The following MACROD2 variants were observed in gnomAD, a reference collection of about 807,000 sequenced individuals.
The protein encoded by MACROD2 is mono-ADP ribosylhydrolase 2.
A neutral mutation model predicts 70.4 loss-of-function variants in MACROD2; 36 were observed. The observed-to-expected ratio is 0.51, with a 90% CI of 0.39 to 0.68. MACROD2 has a LOEUF of 0.68. MACROD2 is among the 30% of genes least tolerant of loss of function. The pLI is 0.00. For missense variants in MACROD2, 496 were observed against 538.4 expected, an observed-to-expected ratio of 0.92 and a Z score of 0.78; for synonymous variants, 172 against 178.8, an observed-to-expected ratio of 0.96 and a Z score of 0.30.
intron 8 of MACROD2, among the ~76,000 whole-genome samples, chr20:15,539,910 C>A: frequency 6.6e-6 from 1 of 152,196 alleles, no homozygotes. Context: ...ATGGCGTGAA[C>A]CCGGGAGGCG....
intron 9 of MACROD2, among the ~76,000 whole-genome samples, chr20:15,877,699 T>G (rs1163031347): frequency 7.2e-5 from 11 of 152,160 alleles, no homozygotes; most frequent in Non-Finnish European, 4.4e-5. Flanking sequence ...CAAAGCTTTA[T>G]TTTTGCTAAT....
chr20:14,941,886 C>T (rs893336508), intron 5 of MACROD2, among the ~76,000 whole-genome samples: 8 of 151,436 alleles, frequency 5.3e-5, no homozygotes, highest in African/African-American at 1.9e-4. Flanking sequence ...TGGGTTTCAG[C>T]AATCCTTCCA....
chr20:15,138,891 G>T (rs140565998), intron 5 of MACROD2, among the ~76,000 whole-genome samples: 2 of 152,056 alleles, frequency 1.3e-5, no homozygotes, highest in African/African-American at 2.4e-5. Context: ...TTGTTTATTC[G>T]CATTTACTTA....
intron 8 of MACROD2, among the ~76,000 whole-genome samples, chr20:15,760,951 G>A (rs961397375): frequency 6.6e-6 from 1 of 152,144 alleles, no homozygotes; most frequent in Non-Finnish European, 1.5e-5. Flanking sequence ...AACCTAGAAA[G>A]GAATTTCAGA....
chr20:14,132,839 C>T (rs868516539), intron 3 of MACROD2, among the ~76,000 whole-genome samples: 1 of 152,108 alleles, frequency 6.6e-6, no homozygotes, highest in African/African-American at 2.4e-5. Flanking sequence ...GTTGGGGTTG[C>T]TTTGTTGCCC....
intron 5 of MACROD2, among the ~76,000 whole-genome samples, chr20:14,966,657 A>G (rs1390200498): frequency 2.0e-5 from 3 of 152,298 alleles, no homozygotes; most frequent in Non-Finnish European, 2.9e-5. Flanking sequence ...GTCATCATCC[A>G]TTAGTTTTGC....
At chr20:15,350,958 C>G (rs533878644) in intron 6 of MACROD2, among the ~76,000 whole-genome samples, 1 of 152,186 alleles carries the variant, frequency 6.6e-6, no homozygotes, top group South Asian at 2.1e-4. Context: ...AACAAAAAAA[C>G]CTCATCTGTA....
intron 5 of MACROD2, among the ~76,000 whole-genome samples, chr20:15,218,991 A>C (rs566737936): frequency 6.6e-6 from 1 of 152,232 alleles, no homozygotes; most frequent in African/African-American, 2.4e-5. Flanking sequence ...GCTTGCAGTG[A>C]TCCGAGATAG....
At chr20:15,898,233 G>A (rs1396157601) in intron 10 of MACROD2, among the ~76,000 whole-genome samples, 1 of 152,090 alleles carries the variant, frequency 6.6e-6, no homozygotes, top group Non-Finnish European at 1.5e-5. Context: ...TCTAGCTAGT[G>A]GTTCTCAAAG....
intron 5 of MACROD2, among the ~76,000 whole-genome samples, chr20:14,956,633 A>G (rs1012062671): frequency 3.3e-5 from 5 of 152,164 alleles, no homozygotes; most frequent in Admixed American, 6.5e-5. Context: ...GTGACTGAGG[A>G]CATAACCATG....
At chr20:15,373,065 C>G (rs575107506) in intron 6 of MACROD2, among the ~76,000 whole-genome samples, 2 of 152,096 alleles carry the variant, frequency 1.3e-5, no homozygotes, top group African/African-American at 4.8e-5. Context: ...AAAAAAAAAT[C>G]CTTTTCTATA....
intron 3 of MACROD2, among the ~76,000 whole-genome samples, chr20:14,209,135 T>TA (rs1410158578): frequency 6.6e-6 from 1 of 152,234 alleles, no homozygotes; most frequent in Non-Finnish European, 1.5e-5. Context: ...CTTCTCATTA[T>TA]AACCTCAGTA....
chr20:15,859,015 G>T (rs76115214), intron 8 of MACROD2, among the ~76,000 whole-genome samples: 128 of 152,216 alleles, frequency 8.4e-4, no homozygotes, highest in Non-Finnish European at 1.5e-3. Flanking sequence ...AAGCCTTACA[G>T]ATAACATAAA....
At chr20:15,014,416 A>G (rs761566649) in intron 5 of MACROD2, among the ~76,000 whole-genome samples, 5 of 152,274 alleles carry the variant, frequency 3.3e-5, no homozygotes, top group Non-Finnish European at 7.4e-5. Context: ...TTTATAGTCT[A>G]AAATATTTGC....
intron 5 of MACROD2, among the ~76,000 whole-genome samples, chr20:15,034,749 T>C (rs537657115): frequency 2.1e-3 from 320 of 152,330 alleles, no homozygotes; most frequent in African/African-American, 7.2e-3. Context: ...TTTTATCACC[T>C]GTTTCTTTCA....
At chr20:14,848,214 A>C (rs1293162317) in intron 5 of MACROD2, among the ~76,000 whole-genome samples, 6 of 152,186 alleles carry the variant, frequency 3.9e-5, no homozygotes, top group African/African-American at 1.2e-4. Context: ...CACTGTACTC[A>C]TTCACTTACT....
rs1369438478 is a variant in MACROD2, at chr20:15,128,255, C to G, written c.419-101685C>G. ...CATATATTTTTTAATCTTGTTTTTA[C>G]AGTAGGTGGTTTTAAGTCCTACCAT... is the stretch of plus-strand genomic sequence containing the variant. On this transcript the variant is annotated intron_variant, in intron 5 of 17. Transcript: ENST00000684519. 5.9e-5 allele frequency among the ~76,000 whole-genome samples: 9 copies of G among 152,138 alleles called. No individual in the cohort carries two copies. The East Asian group carries it at 1.4e-3, about 23-fold the overall frequency.
intron 10 of MACROD2, among the ~76,000 whole-genome samples, chr20:15,887,802 T>C (rs996318882): frequency 1.3e-5 from 2 of 152,180 alleles, no homozygotes; most frequent in East Asian, 3.8e-4. Context: ...ATCCAAAACA[T>C]TATCATTTCA....
At chr20:15,697,046 A>G (rs1377643099) in intron 8 of MACROD2, among the ~76,000 whole-genome samples, 1 of 151,622 alleles carries the variant, frequency 6.6e-6, no homozygotes, top group Non-Finnish European at 1.5e-5. Flanking sequence ...TTTTGTTCCA[A>G]TTTCATTTAG....
Sources: allele counts gnomAD v4.1 joint callset (sites outside exome capture counted in the v4.1 genomes callset), GRCh38; gene constraint gnomAD v4.1.1; transcripts MANE v1.5; gene names NCBI Gene and HGNC (gene_info 2026-07-23, HGNC 2026-07-21).